The following GPC5 variants were observed in gnomAD, a reference collection of about 807,000 sequenced individuals.
The protein encoded by GPC5 is glypican 5.
Under a neutral mutation model 53.9 loss-of-function variants are expected in GPC5, and 47 were observed. The ratio of observed to expected loss-of-function variants is 0.87; its 90% CI spans 0.69 to 1.11. The LOEUF is 1.11. Ranked by LOEUF, GPC5 falls within the 50% of genes most tolerant of loss-of-function variation. The pLI, the probability that GPC5 is intolerant of heterozygous loss-of-function variation, is 0.00. For synonymous variants in GPC5, 286 were observed against 263.3 expected (o/e 1.09, Z -0.84); for missense variants, 748 against 713.1 (o/e 1.05, Z -0.56).
intron 7 of GPC5, among the ~76,000 whole-genome samples, chr13:92,195,844 T>C (rs2042253017): frequency 6.6e-6 from 1 of 152,196 alleles, no homozygotes; most frequent in Non-Finnish European, 1.5e-5. Flanking sequence ...TTCACTGATC[T>C]ACCCATTCAT....
intron 7 of GPC5, among the ~76,000 whole-genome samples, chr13:92,828,718 G>T (rs1877938688): frequency 6.6e-6 from 1 of 152,024 alleles, no homozygotes; most frequent in Non-Finnish European, 1.5e-5. Flanking sequence ...GGGTTCTGCT[G>T]GTACCTTGAG....
intron 7 of GPC5, among the ~76,000 whole-genome samples, chr13:92,469,207 T>A (rs1878815970): frequency 6.6e-6 from 1 of 151,568 alleles, no homozygotes; most frequent in Non-Finnish European, 1.5e-5. Context: ...TCCTCTCTAA[T>A]TTTTTTTTCT....
chr13:91,756,534 T>A, intron 5 of GPC5, 114 bp downstream of exon 5: 1 of 858,236 alleles, frequency 1.2e-6, no homozygotes, highest in Non-Finnish European at 1.7e-6. Flanking sequence ...CAGTCTACAT[T>A]AAATACTTAT....
chr13:91,407,482 G>A (rs1877410817), intron 1 of GPC5, among the ~76,000 whole-genome samples: 1 of 152,214 alleles, frequency 6.6e-6, no homozygotes, highest in African/African-American at 2.4e-5. Flanking sequence ...GCATTGATCT[G>A]TTGTTGAGAG....
intron 6 of GPC5, among the ~76,000 whole-genome samples, chr13:91,952,786 T>C (rs1452678563): frequency 6.6e-6 from 1 of 152,066 alleles, no homozygotes; most frequent in African/African-American, 2.4e-5. Context: ...ATTAGATAAA[T>C]ATATGGAAAT....
intron 7 of GPC5, among the ~76,000 whole-genome samples, chr13:92,491,349 T>C (rs1288419881): frequency 6.6e-6 from 1 of 152,288 alleles, no homozygotes; most frequent in East Asian, 1.9e-4. Flanking sequence ...AATTACTTTA[T>C]ATAATTCAGT....
chr13:92,820,442 C>G (rs766752532), intron 7 of GPC5, among the ~76,000 whole-genome samples: 2 of 152,144 alleles, frequency 1.3e-5, no homozygotes, highest in Non-Finnish European at 2.9e-5. Context: ...CAGCCCTTCT[C>G]CTGTGAAACC....
At chr13:91,453,563 G>A (rs746301291) in intron 2 of GPC5, among the ~76,000 whole-genome samples, 7 of 151,962 alleles carry the variant, frequency 4.6e-5, no homozygotes, top group East Asian at 3.9e-4. Context: ...GAATAAAGGC[G>A]TATTGCTATT....
At chr13:92,183,794 TGAGATTTGTTCATA>T (rs1408087973) in intron 7 of GPC5, among the ~76,000 whole-genome samples, 2 of 152,086 alleles carry the variant, frequency 1.3e-5, no homozygotes, top group African/African-American at 4.8e-5. Context: ...CATATTTTGG[TGAGATTTGTTCATA>T]GATCTCTTAC....
chr13:91,743,072 TCCA>T (rs2036971559), intron 4 of GPC5, among the ~76,000 whole-genome samples: 1 of 152,100 alleles, frequency 6.6e-6, no homozygotes, highest in Non-Finnish European at 1.5e-5. Flanking sequence ...AAACATCTTT[TCCA>T]CCAAGAAAAC....
Position 91,571,936 on chromosome 13 carries a change from CAT to C in GPC5, c.326-121250_326-121249del, listed in dbSNP as rs1303040517. Among the ~76,000 whole-genome samples the C allele has an allele frequency of 1.8e-5, 2 of 113,176 alleles. 1 individual carries two copies. Among genetic ancestry groups the C allele is most frequent in the African/African-American group, 6.9e-5 (2 of 28,778 alleles). 74.2% of individuals were successfully genotyped at this position (113,176 alleles called of 152,430 possible). A position where few individuals can be genotyped will look rare whatever the true frequency, so the allele number is the denominator to read the frequency against. ...TATACACATATTGTATATATACACACATGTATATACATATACACACATATATG... is the reference window on the plus strand; with the variant it reads ...TATACACATATTGTATATATACACACGTATATACATATACACACATATATG... On this transcript the variant is annotated intron_variant, in intron 2 of 7. Coordinates refer to ENST00000377067, the MANE Select transcript of GPC5 (RefSeq NM_004466.6).
rs116404727 is a variant in GPC5, at chr13:92,628,632, C to T, written c.1562-237650C>T. On this transcript the variant is annotated intron_variant, in intron 7 of 7. Coordinates refer to ENST00000377067, the MANE Select transcript of GPC5 (RefSeq NM_004466.6). ...CAGCATCACTGTGACTAAACTGGTA[C>T]GATTTAAAATGGTGGGCATGGATTT... Among the ~76,000 whole-genome samples, 518 of 152,120 alleles carry T rather than the reference C, an allele frequency of 3.4e-3. 5 individuals are homozygous for T. Among genetic ancestry groups the T allele is most frequent in the African/African-American group, 0.012 (486 of 41,496 alleles).
chr13:92,168,919 C>T (rs1176405819), intron 7 of GPC5, among the ~76,000 whole-genome samples: 1 of 152,092 alleles, frequency 6.6e-6, no homozygotes, highest in Middle Eastern at 3.2e-3. Flanking sequence ...ATAGCAAAGA[C>T]ATAGAATCAA....
chr13:92,653,160 G>C (rs1478470853), intron 7 of GPC5, among the ~76,000 whole-genome samples: 1 of 152,210 alleles, frequency 6.6e-6, no homozygotes, highest in Non-Finnish European at 1.5e-5. Flanking sequence ...CAGGTGCCTA[G>C]GCTCAGCAGG....
intron 7 of GPC5, among the ~76,000 whole-genome samples, chr13:92,620,915 T>C (rs1301852286): frequency 6.6e-6 from 1 of 152,220 alleles, no homozygotes; most frequent in Non-Finnish European, 1.5e-5. Context: ...TAGCTGTCTT[T>C]GTTGTGCTCA....
At chr13:91,868,430 G>A (rs2039107383) in intron 5 of GPC5, among the ~76,000 whole-genome samples, 1 of 152,136 alleles carries the variant, frequency 6.6e-6, no homozygotes, top group Non-Finnish European at 1.5e-5. Flanking sequence ...GACAAGGCTG[G>A]GCATGGTGCC....
intron 7 of GPC5, among the ~76,000 whole-genome samples, chr13:92,741,865 T>C (rs1889106876): frequency 6.6e-6 from 1 of 152,254 alleles, no homozygotes; most frequent in Non-Finnish European, 1.5e-5. Context: ...GATAGTTTGC[T>C]GAGAATGATG....
intron 2 of GPC5, among the ~76,000 whole-genome samples, chr13:91,596,559 T>C (rs1250666405): frequency 6.6e-6 from 1 of 152,238 alleles, no homozygotes; most frequent in African/African-American, 2.4e-5. Context: ...TCAGACATTG[T>C]GAACTTTACC....
intron 6 of GPC5, among the ~76,000 whole-genome samples, chr13:92,000,470 A>G (rs758024977): frequency 6.6e-6 from 1 of 151,980 alleles, no homozygotes; most frequent in Admixed American, 6.6e-5. Flanking sequence ...TAATGTCATT[A>G]CTCATTAGTT....
Sources: allele counts gnomAD v4.1 joint callset (sites outside exome capture counted in the v4.1 genomes callset), GRCh38; gene constraint gnomAD v4.1.1; transcripts MANE v1.5; gene names NCBI Gene and HGNC (gene_info 2026-07-23, HGNC 2026-07-21).